EXOC6B: variants seen among roughly 807,000 people sequenced by gnomAD.
EXOC6B encodes the protein SEC15 homolog B.
EXOC6B carries 54 observed loss-of-function variants against 113.5 expected under a neutral mutation model. The ratio of observed to expected loss-of-function variants is 0.48; its 90% CI spans 0.38 to 0.60. The LOEUF (loss-of-function observed/expected upper bound fraction) is 0.60, where lower values mean the gene tolerates loss of function less well. Among genes scored for constraint, EXOC6B ranks in the 20% least tolerant of loss-of-function variants. EXOC6B has a pLI of 0.00. For synonymous variants in EXOC6B, 357 were observed against 339.0 expected (o/e 1.05, Z -0.58); for missense variants, 797 against 977.5 (o/e 0.82, Z 2.46).
intron 5 of EXOC6B, among the ~76,000 whole-genome samples, chr2:72,721,364 TAAAAAAAAA>T (rs11408155): frequency 3.5e-5 from 1 of 28,502 alleles, no homozygotes; most frequent in Non-Finnish European, 6.0e-5. Context: ...GTTGTTTTTG[TAAAAAAAAA>T]AAAAAAAAAA....
At chr2:72,553,802 G>C (rs1048921327) in intron 8 of EXOC6B, among the ~76,000 whole-genome samples, 1 of 152,038 alleles carries the variant, frequency 6.6e-6, no homozygotes, top group African/African-American at 2.4e-5. Flanking sequence ...ACCAAAATAA[G>C]CTTGTACTAA....
chr2:72,247,594 G>A (rs1235045868), intron 20 of EXOC6B, among the ~76,000 whole-genome samples: 3 of 152,160 alleles, frequency 2.0e-5, no homozygotes, highest in African/African-American at 4.8e-5. Context: ...GATGTCAAAA[G>A]TCCTCCCTTT....
intron 18 of EXOC6B, among the ~76,000 whole-genome samples, chr2:72,394,862 A>T (rs1692622543): frequency 6.6e-6 from 1 of 152,080 alleles, no homozygotes; most frequent in South Asian, 2.1e-4. Flanking sequence ...ACACACATTT[A>T]CAGTCACTGG....
chr2:72,636,293 AAGGCAGGGAGGG>A (rs1244023556), intron 6 of EXOC6B, among the ~76,000 whole-genome samples: 1 of 133,996 alleles, frequency 7.5e-6, no homozygotes, highest in Non-Finnish European at 1.6e-5. Context: ...TGGAGGGAAG[AAGGCAGGGAGGG>A]AGGCAGGGAG....
At chr2:72,631,459 TATAGAGAG>T (rs1672450546) in intron 6 of EXOC6B, among the ~76,000 whole-genome samples, 9 of 6,940 alleles carry the variant, frequency 1.3e-3, no homozygotes, top group Admixed American at 3.0e-3. Context: ...TATATATATA[TATAGAGAG>T]AGAGAGAGAG....
At chr2:72,753,424 G>A (rs1042758331) in intron 1 of EXOC6B, among the ~76,000 whole-genome samples, 52 of 151,722 alleles carry the variant, frequency 3.4e-4, no homozygotes, top group African/African-American at 1.1e-3. Context: ...AAGACCTACC[G>A]CTTCTAATTA....
chr2:72,198,914 G>A (rs1679328193), intron 20 of EXOC6B, among the ~76,000 whole-genome samples: 2 of 152,186 alleles, frequency 1.3e-5, no homozygotes, highest in Admixed American at 1.3e-4. Flanking sequence ...CCTGGTATGA[G>A]GCAACTATGA....
At chr2:72,649,968 A>C (rs1479149887) in intron 6 of EXOC6B, among the ~76,000 whole-genome samples, 1 of 152,254 alleles carries the variant, frequency 6.6e-6, no homozygotes, top group African/African-American at 2.4e-5. Flanking sequence ...CTTTCAGAAC[A>C]GGGGTCCCCA....
intron 18 of EXOC6B, among the ~76,000 whole-genome samples, chr2:72,432,499 A>G (rs534367983): frequency 2.8e-4 from 42 of 152,340 alleles, no homozygotes; most frequent in African/African-American, 7.7e-4. Context: ...AGGAATCACC[A>G]CACTGTCTTC....
rs111740455 is a variant in EXOC6B at position 72,472,741 on chromosome 2, C to G, written c.1801-7402G>C. On this transcript the variant is annotated intron_variant, in intron 17 of 21. Transcript: ENST00000272427. ...CTGATATTGTGGATTTGGTTTGTTG[C>G]TGCTTTCCTGTTCCTTGAGGTATAT... 2.6e-5 allele frequency among the ~76,000 whole-genome samples: 4 copies of G among 151,936 alleles called. 1 individual carries two copies. Among genetic ancestry groups the G allele is most frequent in the Non-Finnish European group, 5.9e-5 (4 of 67,912 alleles).
intron 19 of EXOC6B, among the ~76,000 whole-genome samples, chr2:72,344,332 T>A (rs1288917002): frequency 1.3e-5 from 2 of 152,178 alleles, no homozygotes; most frequent in Non-Finnish European, 2.9e-5. Flanking sequence ...ATACATCATT[T>A]CCATGAATTT....
At chr2:72,674,332 A>G (rs1036440997) in intron 6 of EXOC6B, among the ~76,000 whole-genome samples, 1 of 152,164 alleles carries the variant, frequency 6.6e-6, no homozygotes, top group African/African-American at 2.4e-5. Flanking sequence ...AGAAGGTCCT[A>G]CCTTCTACAG....
chr2:72,260,365 C>A (rs1157605134), intron 20 of EXOC6B, among the ~76,000 whole-genome samples: 2 of 152,178 alleles, frequency 1.3e-5, no homozygotes, highest in Non-Finnish European at 2.9e-5. Context: ...AAAATCCATT[C>A]TTTGTATCCA....
intron 6 of EXOC6B, among the ~76,000 whole-genome samples, chr2:72,680,443 G>A (rs1199675007): frequency 6.6e-6 from 1 of 152,110 alleles, no homozygotes; most frequent in Non-Finnish European, 1.5e-5. Context: ...TAACAGATAA[G>A]AAGCATTTTG....
At chr2:72,227,428 A>G (rs950667085) in intron 20 of EXOC6B, among the ~76,000 whole-genome samples, 1 of 152,198 alleles carries the variant, frequency 6.6e-6, no homozygotes, top group Non-Finnish European at 1.5e-5. Context: ...TACATAACCA[A>G]TAACATAGTC....
intron 1 of EXOC6B, among the ~76,000 whole-genome samples, chr2:72,817,768 A>G (rs1287425512): frequency 6.6e-6 from 1 of 152,184 alleles, no homozygotes; most frequent in African/African-American, 2.4e-5. Flanking sequence ...TTTAATTCCC[A>G]TAACTAATCC....
chr2:72,269,086 A>T (rs112483482), intron 20 of EXOC6B, among the ~76,000 whole-genome samples: 2,958 of 152,230 alleles, frequency 0.019, 91 homozygotes, highest in African/African-American at 0.065. Flanking sequence ...ATCAAACACG[A>T]TGTTATATAT....
chr2:72,750,267 A>G (rs1681958842), intron 1 of EXOC6B, among the ~76,000 whole-genome samples: 1 of 152,126 alleles, frequency 6.6e-6, no homozygotes, highest in African/African-American at 2.4e-5. Flanking sequence ...AAGGCATCAG[A>G]GTAGTTTCCA....
At chr2:72,639,496 C>T (rs1673081098) in intron 6 of EXOC6B, among the ~76,000 whole-genome samples, 1 of 152,204 alleles carries the variant, frequency 6.6e-6, no homozygotes, top group African/African-American at 2.4e-5. Flanking sequence ...CACCCTGGCA[C>T]CCACTAGCAG....
Sources: allele counts gnomAD v4.1 joint callset (sites outside exome capture counted in the v4.1 genomes callset), GRCh38; gene constraint gnomAD v4.1.1; transcripts MANE v1.5; gene names NCBI Gene and HGNC (gene_info 2026-07-23, HGNC 2026-07-21).